HDX: variants seen among roughly 807,000 people sequenced by gnomAD.
The protein encoded by HDX is highly divergent homeobox, also known as chromosome X open reading frame 43.
In HDX, 19 loss-of-function variants were observed where a neutral mutation model predicts 45.2. That is an observed-to-expected ratio of 0.42 (90% CI 0.29 to 0.62). HDX has a LOEUF of 0.62. Among genes scored for constraint, HDX ranks in the 20% least tolerant of loss-of-function variants. The probability of loss-of-function intolerance (pLI) is 0.20; values close to 1 mark genes in which losing one functional copy is unlikely to be tolerated. For missense variants in HDX, 532 were observed against 493.9 expected (o/e 1.08, Z -0.73); for synonymous variants, 188 against 172.8 (o/e 1.09, Z -0.69).
At chrX:84,462,692 A>T (rs186756265) in intron 4 of HDX, among the ~76,000 whole-genome samples, 1,514 of 110,889 alleles carry the variant, frequency 0.014, 36 homozygotes, top group African/African-American at 0.049. Context: ...AAAATTAAGA[A>T]TTTTTTAAAA....
At chrX:84,337,816 T>C (rs1362709425) in intron 7 of HDX, among the ~76,000 whole-genome samples, 1 of 111,345 alleles carries the variant, frequency 9.0e-6, no homozygotes, top group Non-Finnish European at 1.9e-5. Flanking sequence ...ATAAATTAAT[T>C]CAGAGAAACC....
chrX:84,405,531 C>A (rs1182036724), intron 5 of HDX, among the ~76,000 whole-genome samples: 3 of 105,377 alleles, frequency 2.8e-5, no homozygotes, highest in Non-Finnish European at 5.8e-5. Flanking sequence ...ATGATACTGT[C>A]ATATCACTTC....
At chrX:84,461,902 C>G (rs1415413449) in intron 4 of HDX, among the ~76,000 whole-genome samples, 3 of 112,298 alleles carry the variant, frequency 2.7e-5, no homozygotes, top group Admixed American at 9.4e-5. Flanking sequence ...AAATTGCCAA[C>G]AGGCATATGA....
At chrX:84,422,602 G>A (rs182988089) in intron 5 of HDX, among the ~76,000 whole-genome samples, 59 of 109,286 alleles carry the variant, frequency 5.4e-4, no homozygotes, top group East Asian at 8.6e-4. Flanking sequence ...AGTAAAGATC[G>A]GAGTAGAAAT....
chrX:84,384,248 A>G (rs759482958), intron 5 of HDX, among the ~76,000 whole-genome samples: 5 of 111,412 alleles, frequency 4.5e-5, no homozygotes, highest in Non-Finnish European at 9.4e-5. Context: ...GTTCTGAGCT[A>G]TGTGAGATCA....
At chrX:84,455,748 C>T (rs1474790243) in intron 4 of HDX, among the ~76,000 whole-genome samples, 3 of 111,200 alleles carry the variant, frequency 2.7e-5, no homozygotes, top group African/African-American at 9.8e-5. Context: ...TAGGCTTAAG[C>T]CAAATAAGAC....
chrX:84,356,660 T>C (rs1569292084), intron 6 of HDX, among the ~76,000 whole-genome samples: 1 of 92,356 alleles, frequency 1.1e-5, no homozygotes, highest in Non-Finnish European at 2.1e-5. Flanking sequence ...TCTTGCTCTG[T>C]CGCCCAGGCT....
At chrX:84,370,150 G>T (rs1355519431) in intron 5 of HDX, among the ~76,000 whole-genome samples, 2 of 112,023 alleles carry the variant, frequency 1.8e-5, no homozygotes, top group Non-Finnish European at 3.8e-5. Flanking sequence ...TTGCCTGATT[G>T]TTGAGGTGGG....
Position 84,429,902 on chromosome X carries a change from CAAAT to C in HDX, c.1305+10626_1305+10629del, listed in dbSNP as rs776764505. 9.0e-5 allele frequency among the ~76,000 whole-genome samples: 10 copies of C among 110,502 alleles called. No individual in the cohort carries two copies. In the South Asian group the frequency reaches 3.4e-3, roughly 37 times the overall value. Reference sequence around the variant, plus strand: ...AAAACTAGCTGTATATTTAAATAGACAAATAATAATTGCACATATTTGTGGGGTA... The same window carrying C: ...AAAACTAGCTGTATATTTAAATAGACAATAATTGCACATATTTGTGGGGTA... On this transcript the variant is annotated intron_variant, in intron 5 of 10. Transcript: ENST00000373177.
intron 4 of HDX, among the ~76,000 whole-genome samples, chrX:84,454,298 T>C (rs896124120): frequency 3.6e-5 from 4 of 111,464 alleles, no homozygotes; most frequent in African/African-American, 1.3e-4. Flanking sequence ...AGGGCTTGGC[T>C]CTTGGATGGA....
intron 5 of HDX, among the ~76,000 whole-genome samples, chrX:84,371,368 G>A (rs867964497): frequency 1.8e-5 from 2 of 111,927 alleles, no homozygotes; most frequent in Admixed American, 1.9e-4. Flanking sequence ...TAGTAAACAT[G>A]AGCCTTCTTC....
intron 5 of HDX, among the ~76,000 whole-genome samples, chrX:84,429,216 CA>C (rs1255259309): frequency 2.7e-5 from 3 of 109,562 alleles, no homozygotes; most frequent in African/African-American, 9.9e-5. Flanking sequence ...TAATTTCCTA[CA>C]AAAAAGTGAC....
At chrX:84,411,631 G>A (rs1469789464) in intron 5 of HDX, among the ~76,000 whole-genome samples, 2 of 111,325 alleles carry the variant, frequency 1.8e-5, no homozygotes, top group Admixed American at 9.6e-5. Flanking sequence ...TGAGGAGAAT[G>A]TATTTTCTGT....
At chrX:84,404,832 A>G (rs2038782406) in intron 5 of HDX, among the ~76,000 whole-genome samples, 1 of 111,140 alleles carries the variant, frequency 9.0e-6, no homozygotes, top group Non-Finnish European at 1.9e-5. Context: ...ATATCATGAG[A>G]TTTTCCCCTT....
chrX:84,409,296 A>G (rs1178365046), intron 5 of HDX, among the ~76,000 whole-genome samples: 1 of 111,395 alleles, frequency 9.0e-6, no homozygotes, highest in Non-Finnish European at 1.9e-5. Context: ...TAGTTCAACC[A>G]TTGTGGAAGT....
At position 84,413,901 on chromosome X, in the gene HDX, T is replaced by G. The variant is rs112987560; in HGVS notation, c.1305+26631A>C. Among the ~76,000 whole-genome samples the G allele has an allele frequency of 5.9e-3, 660 of 111,535 alleles. 7 individuals are homozygous for G. The highest frequency in any genetic ancestry group is 0.02 in the African/African-American group (615 of 30,721). On this transcript the variant is annotated intron_variant, in intron 5 of 10. Transcript: ENST00000373177. Reference sequence around the variant, plus strand: ...AAGTATTATTTAAATTTTCTTAGCTTCACCTTTTTGCTTTTATTTGCCTGA... The same window carrying G: ...AAGTATTATTTAAATTTTCTTAGCTGCACCTTTTTGCTTTTATTTGCCTGA...
intron 5 of HDX, among the ~76,000 whole-genome samples, chrX:84,425,127 T>A (rs966084199): frequency 1.8e-5 from 2 of 110,761 alleles, no homozygotes; most frequent in African/African-American, 6.6e-5. Context: ...AGAAAAAAAA[T>A]CTAATAATCT....
intron 4 of HDX, among the ~76,000 whole-genome samples, chrX:84,458,554 C>G (rs1480422870): frequency 8.9e-6 from 1 of 111,801 alleles, no homozygotes; most frequent in Non-Finnish European, 1.9e-5. Flanking sequence ...AAACATATAC[C>G]ATAATCACAT....
chrX:84,363,822 C>T lies in HDX; in HGVS notation c.1306-2210G>A, dbSNP rs750172646. 3.0e-3 allele frequency among the ~76,000 whole-genome samples: 340 copies of T among 111,731 alleles called. 1 individual carries two copies. Among genetic ancestry groups the T allele is most frequent in the Middle Eastern group, 0.014 (3 of 218 alleles). On this transcript the variant is annotated intron_variant, in intron 5 of 10. Coordinates refer to ENST00000373177, the MANE Select transcript of HDX (RefSeq NM_001177479.2). ...CAGTTTTGTTTTTCTATTGGACTCT[C>T]AAGCCACTTTCACTTTGCAAGGCAT...
Sources: allele counts gnomAD v4.1 joint callset (sites outside exome capture counted in the v4.1 genomes callset), GRCh38; gene constraint gnomAD v4.1.1; transcripts MANE v1.5; gene names NCBI Gene and HGNC (gene_info 2026-07-23, HGNC 2026-07-21).